Variants in UTRN observed in about 807,000 individuals in gnomAD.
UTRN encodes dystrophin-related protein 1.
In UTRN, 283 loss-of-function variants were observed where a neutral mutation model predicts 463.9. The ratio of observed to expected loss-of-function variants is 0.61; its 90% CI spans 0.55 to 0.67. The LOEUF is 0.67. Ranked by LOEUF, UTRN falls within the 30% of genes least tolerant of loss-of-function variation. UTRN has a pLI of 0.00. For synonymous variants in UTRN, 1,442 were observed against 1,431.5 expected (o/e 1.01, Z -0.17); for missense variants, 3,922 against 4,084.3 (o/e 0.96, Z 1.08).
At chr6:144,634,678 C>T (rs909658973) in intron 51 of UTRN, among the ~76,000 whole-genome samples, 11 of 152,088 alleles carry the variant, frequency 7.2e-5, no homozygotes, top group African/African-American at 2.2e-4. Context: ...CTATTATCTC[C>T]GCATCCCTAC....
At chr6:144,846,897 T>C (rs1782067396) in intron 74 of UTRN, 70 bp downstream of exon 74, 2 of 1,574,900 alleles carry the variant, frequency 1.3e-6, no homozygotes, top group African/African-American at 2.7e-5. Flanking sequence ...TATCCACGAC[T>C]GATTTTATTC....
At chr6:144,339,985 A>T (rs73591137) in intron 2 of UTRN, among the ~76,000 whole-genome samples, 9,867 of 152,156 alleles carry the variant, frequency 0.065, 1,023 homozygotes, top group African/African-American at 0.22. Flanking sequence ...CTGACCAACA[A>T]GGTGAAAGCC....
chr6:144,330,092 G>A (rs772260141), intron 2 of UTRN, among the ~76,000 whole-genome samples: 1 of 152,260 alleles, frequency 6.6e-6, no homozygotes, highest in South Asian at 2.1e-4. Flanking sequence ...CCTGGAATGA[G>A]TGATAGTTTG....
At chr6:144,304,499 A>C (rs1208657800) in intron 2 of UTRN, among the ~76,000 whole-genome samples, 1 of 152,218 alleles carries the variant, frequency 6.6e-6, no homozygotes, top group East Asian at 1.9e-4. Flanking sequence ...TGTAAAAGTA[A>C]AAACAGCACA....
At chr6:144,760,368 A>G (rs544778376) in intron 58 of UTRN, among the ~76,000 whole-genome samples, 1 of 152,240 alleles carries the variant, frequency 6.6e-6, no homozygotes, top group East Asian at 1.9e-4. Context: ...AACGTTTAGG[A>G]CTGTAGCATT....
chr6:144,339,709 T>C (rs1376067333), intron 2 of UTRN, among the ~76,000 whole-genome samples: 1 of 152,214 alleles, frequency 6.6e-6, no homozygotes. Flanking sequence ...TCTAGTTTTC[T>C]AGGAGAATTC....
intron 2 of UTRN, among the ~76,000 whole-genome samples, chr6:144,342,342 TACACACACACAC>T (rs55809792): frequency 7.2e-6 from 1 of 138,246 alleles, no homozygotes; most frequent in Non-Finnish European, 1.6e-5. Flanking sequence ...GGTACACACA[TACACACACACAC>T]ACACACACAC....
At chr6:144,397,637 G>C (rs561683465) in intron 2 of UTRN, among the ~76,000 whole-genome samples, 1 of 151,126 alleles carries the variant, frequency 6.6e-6, no homozygotes, top group African/African-American at 2.4e-5. Flanking sequence ...TTTTTGTGAG[G>C]TATTGAGTCT....
chr6:144,760,111 A>T (rs868116739), intron 58 of UTRN, among the ~76,000 whole-genome samples: 3 of 152,232 alleles, frequency 2.0e-5, no homozygotes, highest in South Asian at 2.1e-4. Context: ...TTTAAAAATG[A>T]ATTTCTATAT....
chr6:144,627,453 A>G (rs1231655555), intron 51 of UTRN, among the ~76,000 whole-genome samples: 1 of 152,338 alleles, frequency 6.6e-6, no homozygotes, highest in East Asian at 1.9e-4. Context: ...TTTAAAAACT[A>G]TGGTGAAATA....
intron 51 of UTRN, among the ~76,000 whole-genome samples, chr6:144,647,390 A>G (rs1393881484): frequency 6.6e-6 from 1 of 152,242 alleles, no homozygotes; most frequent in Non-Finnish European, 1.5e-5. Context: ...TGAAAATAGC[A>G]GAGGATTATA....
At position 144,461,226 on chromosome 6, in the gene UTRN, C is replaced by T; in HGVS notation, c.2737C>T (p.Leu913=). The T allele has an allele frequency of 6.2e-7, 1 of 1,604,224 alleles. No individual in the cohort carries two copies. The highest frequency in any genetic ancestry group is 8.5e-7 in the Non-Finnish European group (1 of 1,174,840). The change falls in exon 22 of 75, where the codon CTG becomes TTG. Residue 913 remains leucine, a synonymous_variant. Transcript: ENST00000367545. ...GAAGGGCCAACCTGGACATGCATAT[C>T]TGGAAACATTGAAAACACTGAAAGA... The part of the protein sequence containing the change: ...ELKGQPGHAY[L]ETLKTLKDVL...
chr6:144,505,700 T>C (rs750713131), intron 34 of UTRN, among the ~76,000 whole-genome samples: 15 of 152,120 alleles, frequency 9.9e-5, no homozygotes, highest in Non-Finnish European at 1.8e-4. Context: ...GAATAAGTGC[T>C]ATGTGGTGCT....
At chr6:144,753,794 G>T (rs763721552) in intron 56 of UTRN, among the ~76,000 whole-genome samples, 5 of 151,482 alleles carry the variant, frequency 3.3e-5, no homozygotes, top group Non-Finnish European at 7.4e-5. Context: ...ATGAGCCCAG[G>T]AGGTCGAGGC....
At chr6:144,649,607 T>TA (rs1304873669) in intron 51 of UTRN, among the ~76,000 whole-genome samples, 2 of 152,172 alleles carry the variant, frequency 1.3e-5, no homozygotes, top group Non-Finnish European at 2.9e-5. Context: ...CAGGGAATGA[T>TA]ACGACAGTAT....
chr6:144,560,144 A>T (rs1343974042), intron 50 of UTRN, among the ~76,000 whole-genome samples: 1 of 152,194 alleles, frequency 6.6e-6, no homozygotes, highest in Non-Finnish European at 1.5e-5. Flanking sequence ...TATGTTAATG[A>T]ATAAACTGAA....
intron 2 of UTRN, among the ~76,000 whole-genome samples, chr6:144,368,309 T>G (rs73594934): frequency 0.036 from 5,409 of 152,264 alleles, 251 homozygotes; most frequent in East Asian, 0.11. Flanking sequence ...CAGAAAGACA[T>G]ATGACATTAA....
chr6:144,801,981 C>G (rs17074221), intron 64 of UTRN, among the ~76,000 whole-genome samples: 24,368 of 152,074 alleles, frequency 0.16, 2,596 homozygotes, highest in Admixed American at 0.35. Context: ...TTTTATTGCA[C>G]TGGTCACCAA....
intron 2 of UTRN, among the ~76,000 whole-genome samples, chr6:144,386,384 G>A (rs1254890499): frequency 2.6e-5 from 4 of 152,100 alleles, no homozygotes; most frequent in Non-Finnish European, 2.9e-5. Context: ...CTTGAGCCTC[G>A]GAAGTTGAAG....
Sources: allele counts gnomAD v4.1 joint callset (sites outside exome capture counted in the v4.1 genomes callset), GRCh38; gene constraint gnomAD v4.1.1; transcripts MANE v1.5; gene names NCBI Gene and HGNC (gene_info 2026-07-23, HGNC 2026-07-21).